Variants in CDH18 observed in about 807,000 individuals in gnomAD.
CDH18 encodes cadherin 18, also known as cadherin-18.
In CDH18, 31 loss-of-function variants were observed where a neutral mutation model predicts 67.9. That is an observed-to-expected ratio of 0.46 (90% CI 0.34 to 0.62). CDH18 has a LOEUF of 0.62. CDH18 is among the 20% of genes least tolerant of loss of function. The pLI is 0.01. For synonymous variants in CDH18, 362 were observed against 347.2 expected (o/e 1.04, Z -0.48); for missense variants, 890 against 975.5 (o/e 0.91, Z 1.17).
chr5:19,485,783 C>T (rs539041043), intron 11 of CDH18, among the ~76,000 whole-genome samples: 1 of 152,262 alleles, frequency 6.6e-6, no homozygotes, highest in African/African-American at 2.4e-5. Context: ...GACAATCTTA[C>T]AGCTGCTCCT....
At chr5:20,427,576 T>C (rs1326396462) in intron 1 of CDH18, among the ~76,000 whole-genome samples, 1 of 151,244 alleles carries the variant, frequency 6.6e-6, no homozygotes, top group Non-Finnish European at 1.5e-5. Context: ...CTGCTTATAC[T>C]TGGTGAATTT....
At chr5:20,228,368 T>A (rs935086002) in intron 2 of CDH18, among the ~76,000 whole-genome samples, 1 of 152,120 alleles carries the variant, frequency 6.6e-6, no homozygotes, top group Non-Finnish European at 1.5e-5. Context: ...AAATTGTATA[T>A]ATTTATTGTG....
rs540820666 is a variant in CDH18, at chr5:20,347,498, G to A, written c.-579-91993C>T. ...GAGGATCAGTGGAGAAGAACAGAGA[G>A]AGGCAATATTCACATGAACAACCAT... On this transcript the variant is annotated intron_variant, in intron 1 of 14. Transcript: ENST00000507958. Among the ~76,000 whole-genome samples, 283 of 152,324 alleles carry A rather than the reference G, an allele frequency of 1.9e-3. 1 individual carries two copies. Among genetic ancestry groups the A allele is most frequent in the African/African-American group, 6.3e-3 (261 of 41,592 alleles).
At chr5:19,864,384 G>A (rs560494108) in intron 2 of CDH18, among the ~76,000 whole-genome samples, 2 of 138,636 alleles carry the variant, frequency 1.4e-5, no homozygotes, top group African/African-American at 5.4e-5. Context: ...GTTGTGTGGT[G>A]GGGGGAGGGG....
intron 2 of CDH18, among the ~76,000 whole-genome samples, chr5:19,945,210 C>T (rs1374772509): frequency 2.6e-5 from 4 of 152,080 alleles, no homozygotes; most frequent in Non-Finnish European, 1.5e-5. Context: ...CTACATGCTC[C>T]CTTCCACCTC....
chr5:19,819,883 C>A (rs550809980), intron 3 of CDH18, among the ~76,000 whole-genome samples: 2 of 152,100 alleles, frequency 1.3e-5, no homozygotes, highest in Non-Finnish European at 2.9e-5. Flanking sequence ...CTCCCGAGGT[C>A]CCTGCCTGGC....
At chr5:20,185,287 C>A (rs1427544306) in intron 2 of CDH18, among the ~76,000 whole-genome samples, 1 of 152,088 alleles carries the variant, frequency 6.6e-6, no homozygotes, top group Non-Finnish European at 1.5e-5. Flanking sequence ...TATTAGCCTG[C>A]AGTAGTACGG....
At chr5:20,496,605 T>C (rs190593534) in intron 1 of CDH18, among the ~76,000 whole-genome samples, 214 of 152,248 alleles carry the variant, frequency 1.4e-3, no homozygotes, top group Non-Finnish European at 2.5e-3. Context: ...GAGGAAACAA[T>C]GTGGGAATTA....
Position 19,500,859 on chromosome 5 carries a change from G to A in CDH18, c.1630+2133C>T, listed in dbSNP as rs112246158. Among the ~76,000 whole-genome samples, 714 of 152,116 alleles carry A rather than the reference G, an allele frequency of 4.7e-3. 5 individuals are homozygous for A. The highest frequency in any genetic ancestry group is 0.016 in the African/African-American group (674 of 41,502). On this transcript the variant is annotated intron_variant, in intron 11 of 12. Transcript: ENST00000382275. ...TAATGGGTAATTAGCGGCCAGTCAC[G>A]GTAGCTCACACCTGTAATCCCAGAG...
intron 5 of CDH18, among the ~76,000 whole-genome samples, chr5:19,619,970 A>G (rs1233523046): frequency 6.6e-6 from 1 of 152,168 alleles, no homozygotes; most frequent in African/African-American, 2.4e-5. Flanking sequence ...TTGATGGATT[A>G]AAACCTCAGA....
At chr5:20,560,702 A>G (rs1758160258) in intron 1 of CDH18, among the ~76,000 whole-genome samples, 1 of 152,032 alleles carries the variant, frequency 6.6e-6, no homozygotes, top group Non-Finnish European at 1.5e-5. Context: ...CTACTAGACT[A>G]AGTTTAGGGT....
At chr5:19,546,187 C>A (rs937132563) in intron 8 of CDH18, among the ~76,000 whole-genome samples, 20 of 152,048 alleles carry the variant, frequency 1.3e-4, no homozygotes, top group Non-Finnish European at 8.8e-5. Flanking sequence ...AGAATAACAT[C>A]AGAAAATATA....
chr5:19,958,139 A>G (rs1480070679), intron 2 of CDH18, among the ~76,000 whole-genome samples: 4 of 151,758 alleles, frequency 2.6e-5, no homozygotes, highest in Admixed American at 1.3e-4. Context: ...CCTTCAGCAG[A>G]CTAGATAGTG....
intron 2 of CDH18, among the ~76,000 whole-genome samples, chr5:20,046,674 G>A (rs1474116883): frequency 6.7e-6 from 1 of 149,458 alleles, no homozygotes; most frequent in Non-Finnish European, 1.5e-5. Flanking sequence ...ATGTGTGTGT[G>A]TGTATATATA....
chr5:20,145,068 C>G (rs1432608580), intron 2 of CDH18, among the ~76,000 whole-genome samples: 1 of 152,044 alleles, frequency 6.6e-6, no homozygotes, highest in Non-Finnish European at 1.5e-5. Flanking sequence ...TTTCAGCTAC[C>G]CTGTTTGTGC....
At chr5:20,492,650 T>C (rs541676085) in intron 1 of CDH18, among the ~76,000 whole-genome samples, 1 of 152,138 alleles carries the variant, frequency 6.6e-6, no homozygotes, top group Non-Finnish European at 1.5e-5. Flanking sequence ...GTAAATGGTA[T>C]AATAAGAAAA....
At chr5:20,095,299 AAAAGAAAGAAAGAAAGAAAGAAAG>A (rs201165191) in intron 2 of CDH18, among the ~76,000 whole-genome samples, 11,102 of 72,290 alleles carry the variant, frequency 0.15, 1,437 homozygotes, top group Non-Finnish European at 0.2. Flanking sequence ...AACTTAAAGT[AAAAGAAAGAAAGAAAGAAAGAAAG>A]AAAGAAAGAA....
intron 5 of CDH18, among the ~76,000 whole-genome samples, chr5:19,699,323 T>C (rs1029756988): frequency 3.3e-5 from 5 of 152,176 alleles, no homozygotes; most frequent in Admixed American, 6.5e-5. Context: ...TTCCAAACTA[T>C]ATTTCAAAAA....
chr5:20,227,874 AC>A (rs144906534), intron 2 of CDH18, among the ~76,000 whole-genome samples: 5,902 of 152,038 alleles, frequency 0.039, 140 homozygotes, highest in East Asian at 0.072. Flanking sequence ...ATTGTCTACA[AC>A]TTTTTCTCTC....
Sources: allele counts gnomAD v4.1 joint callset (sites outside exome capture counted in the v4.1 genomes callset), GRCh38; gene constraint gnomAD v4.1.1; transcripts MANE v1.5; gene names NCBI Gene and HGNC (gene_info 2026-07-23, HGNC 2026-07-21).